The following NRG3 variants were observed in gnomAD, a reference collection of about 807,000 sequenced individuals.
NRG3 encodes pro-neuregulin-3, membrane-bound isoform.
Under a neutral mutation model 66.9 loss-of-function variants are expected in NRG3, and 31 were observed. That is an observed-to-expected ratio of 0.46 (90% CI 0.35 to 0.63). The LOEUF (loss-of-function observed/expected upper bound fraction) is 0.63, where lower values mean the gene tolerates loss of function less well. NRG3 is among the 20% of genes least tolerant of loss of function. The pLI, the probability that NRG3 is intolerant of heterozygous loss-of-function variation, is 0.00. For missense variants in NRG3, 910 were observed against 878.9 expected, an observed-to-expected ratio of 1.04 and a Z score of -0.45; for synonymous variants, 393 against 359.4, an observed-to-expected ratio of 1.09 and a Z score of -1.06.
chr10:82,710,706 A>T (rs1205132915), intron 2 of NRG3, among the ~76,000 whole-genome samples: 9 of 130,552 alleles, frequency 6.9e-5, no homozygotes, highest in Admixed American at 2.3e-4. Flanking sequence ...TTTTATTTTT[A>T]TTTTATTTTA....
At chr10:82,864,018 T>C (rs1346723163) in intron 3 of NRG3, among the ~76,000 whole-genome samples, 1 of 152,168 alleles carries the variant, frequency 6.6e-6, no homozygotes. Flanking sequence ...TCTTTCTTTA[T>C]GTAATTAAAT....
In NRG3 at chr10:82,648,800, C is replaced by T. The variant is rs578014826; in HGVS notation, c.954-89777C>T. ...ATGGGAGTTCACTCATGATTTGGCT[C>T]TCTGTTTGTCTGTTACTGGTGTATG... On this transcript the variant is annotated intron_variant, in intron 2 of 8. Transcript: ENST00000372141. Among the ~76,000 whole-genome samples the T allele has an allele frequency of 9.2e-5, 14 of 152,200 alleles. No individual in the cohort carries two copies. The East Asian group carries it at 2.3e-3, about 25-fold the overall frequency.
intron 2 of NRG3, among the ~76,000 whole-genome samples, chr10:82,492,599 G>A (rs1235954697): frequency 6.6e-6 from 1 of 152,100 alleles, no homozygotes; most frequent in Non-Finnish European, 1.5e-5. Flanking sequence ...AGTAGTCTTA[G>A]GTATTATGAA....
chr10:82,276,635 G>A (rs955300537), intron 1 of NRG3, among the ~76,000 whole-genome samples: 7 of 151,982 alleles, frequency 4.6e-5, no homozygotes, highest in African/African-American at 1.4e-4. Context: ...ATAGAAATAA[G>A]CACCATAGTT....
chr10:82,866,534 A>G (rs1421516405), intron 4 of NRG3, among the ~76,000 whole-genome samples: 1 of 152,196 alleles, frequency 6.6e-6, no homozygotes, highest in Non-Finnish European at 1.5e-5. Flanking sequence ...TCTGGTTATT[A>G]CATCATAGAA....
intron 2 of NRG3, among the ~76,000 whole-genome samples, chr10:82,521,578 G>C (rs541233152): frequency 3.9e-5 from 6 of 152,232 alleles, no homozygotes; most frequent in East Asian, 1.9e-4. Flanking sequence ...CTGACCTCGT[G>C]ATCCGCCCGC....
At position 81,985,898 on chromosome 10, in the gene NRG3, A is replaced by T. The variant is rs528587969; in HGVS notation, c.823+109735A>T. ...TAACATAGCGTAGGTATATTTGCAT[A>T]AATCTGTATCAGTCATTTCACACTT... On this transcript the variant is annotated intron_variant, in intron 1 of 8. Transcript: ENST00000372141. 5.3e-5 allele frequency among the ~76,000 whole-genome samples: 8 copies of T among 152,348 alleles called. No individual in the cohort carries two copies. In the South Asian group the frequency reaches 1.7e-3, roughly 32 times the overall value.
intron 1 of NRG3, among the ~76,000 whole-genome samples, chr10:82,330,577 CA>C (rs568990492): frequency 7.4e-4 from 112 of 152,206 alleles, no homozygotes; most frequent in African/African-American, 2.6e-3. Flanking sequence ...ATTTGAACAA[CA>C]TTTTTTTTCT....
chr10:82,225,018 ATCACCAGACC>A (rs997218827), intron 1 of NRG3, among the ~76,000 whole-genome samples: 1 of 152,006 alleles, frequency 6.6e-6, no homozygotes, highest in African/African-American at 2.4e-5. Context: ...TAAAAATAAA[ATCACCAGACC>A]TCACAATATT....
intron 2 of NRG3, among the ~76,000 whole-genome samples, chr10:82,700,796 A>G (rs1206181101): frequency 2.0e-5 from 3 of 152,158 alleles, no homozygotes; most frequent in Non-Finnish European, 4.4e-5. Flanking sequence ...GAAGAATGCA[A>G]GGAGTCCAGC....
Position 82,211,185 on chromosome 10 carries a change from T to C in NRG3, c.824-147554T>C, listed in dbSNP as rs5005993. 6.0e-3 allele frequency among the ~76,000 whole-genome samples: 919 copies of C among 152,294 alleles called. 53 individuals are homozygous for C. In the East Asian group the frequency reaches 0.14, roughly 23 times the overall value. On this transcript the variant is annotated intron_variant, in intron 1 of 8. Transcript: ENST00000372141. ...CCTTAGGCATCTTTTCAAAGTCTCA[T>C]TTAATTCTTTTCTTTAATGGTTAGG...
At chr10:81,923,381 A>G (rs1846449229) in intron 1 of NRG3, among the ~76,000 whole-genome samples, 1 of 151,480 alleles carries the variant, frequency 6.6e-6, no homozygotes. Flanking sequence ...AATTTTTTGT[A>G]TTTTTAGTAG....
chr10:82,831,371 T>C (rs1234198240), intron 3 of NRG3, among the ~76,000 whole-genome samples: 1 of 152,216 alleles, frequency 6.6e-6, no homozygotes, highest in African/African-American at 2.4e-5. Flanking sequence ...GAATCTGCCT[T>C]AAACTGATGT....
chr10:82,432,127 C>G (rs547094454), intron 2 of NRG3, among the ~76,000 whole-genome samples: 1 of 152,180 alleles, frequency 6.6e-6, no homozygotes, highest in East Asian at 1.9e-4. Context: ...ATGTTTGTGC[C>G]AATTTATTTA....
chr10:82,291,069 A>G (rs1241276917), intron 1 of NRG3, among the ~76,000 whole-genome samples: 1 of 152,082 alleles, frequency 6.6e-6, no homozygotes, highest in African/African-American at 2.4e-5. Context: ...GTGCTATTGC[A>G]GTTGAACCAT....
At chr10:82,839,418 G>A (rs969876584) in intron 3 of NRG3, among the ~76,000 whole-genome samples, 2 of 151,886 alleles carry the variant, frequency 1.3e-5, no homozygotes, top group African/African-American at 4.8e-5. Flanking sequence ...GTTTCTAATA[G>A]CATTTTTTAT....
intron 2 of NRG3, among the ~76,000 whole-genome samples, chr10:82,395,863 C>T (rs921679324): frequency 1.3e-5 from 2 of 152,038 alleles, no homozygotes; most frequent in African/African-American, 4.8e-5. Context: ...GACCTTTAAA[C>T]ATTTTTGTCA....
At chr10:82,404,524 C>G (rs1445679080) in intron 2 of NRG3, among the ~76,000 whole-genome samples, 1 of 152,156 alleles carries the variant, frequency 6.6e-6, no homozygotes, top group Non-Finnish European at 1.5e-5. Flanking sequence ...CCAAATCTTG[C>G]TATCTCAATC....
At chr10:82,150,322 C>T (rs2070611747) in intron 1 of NRG3, among the ~76,000 whole-genome samples, 1 of 151,998 alleles carries the variant, frequency 6.6e-6, no homozygotes, top group South Asian at 2.1e-4. Context: ...CGCTCCTGCC[C>T]AGCTGATAGG....
Sources: gnomAD v4.1 joint callset for allele counts (sites outside exome capture counted in the v4.1 genomes callset) on GRCh38, gnomAD v4.1.1 for gene constraint, MANE v1.5 for transcripts, NCBI Gene and HGNC (gene_info 2026-07-23, HGNC 2026-07-21) for gene names.